The following MAGI2 variants were observed in gnomAD, a reference collection of about 807,000 sequenced individuals.
MAGI2 encodes membrane-associated guanylate kinase, WW and PDZ domain-containing protein 2.
In MAGI2, 35 loss-of-function variants were observed where a neutral mutation model predicts 133.3. That is an observed-to-expected ratio of 0.26 (90% CI 0.20 to 0.35). The LOEUF (loss-of-function observed/expected upper bound fraction) is 0.35, where lower values mean the gene tolerates loss of function less well. MAGI2 is among the 10% of genes least tolerant of loss of function. MAGI2 has a pLI of 1.00. For synonymous variants in MAGI2, 729 were observed against 710.6 expected, an observed-to-expected ratio of 1.03 and a Z score of -0.41; for missense variants, 1,636 against 1,863.4, an observed-to-expected ratio of 0.88 and a Z score of 2.25.
chr7:78,076,836 G>A (rs370885499), intron 21 of MAGI2, among the ~76,000 whole-genome samples: 1 of 105,950 alleles, frequency 9.4e-6, no homozygotes, highest in Non-Finnish European at 1.7e-5. Context: ...CTGGGCGACA[G>A]AGCGAGACTC....
chr7:78,419,600 ATTTTT>A (rs149554875), intron 6 of MAGI2, among the ~76,000 whole-genome samples: 3,926 of 144,462 alleles, frequency 0.027, 98 homozygotes, highest in African/African-American at 0.072. Context: ...TTGAGCAGTG[ATTTTT>A]TTTTTTTTTT....
chr7:78,024,405 G>C (rs1202711802), intron 21 of MAGI2, among the ~76,000 whole-genome samples: 1 of 152,080 alleles, frequency 6.6e-6, no homozygotes, highest in Non-Finnish European at 1.5e-5. Flanking sequence ...CAGTTCATCG[G>C]CTTCTTTAAT....
At chr7:79,070,777 C>T (rs1414854856) in intron 1 of MAGI2, among the ~76,000 whole-genome samples, 2 of 152,024 alleles carry the variant, frequency 1.3e-5, no homozygotes, top group African/African-American at 4.8e-5. Flanking sequence ...AGGTGTGAGC[C>T]ACCGCGCCCA....
intron 1 of MAGI2, among the ~76,000 whole-genome samples, chr7:79,306,261 T>G (rs4020436): frequency 6.8e-6 from 1 of 146,754 alleles, no homozygotes; most frequent in Admixed American, 6.8e-5. Flanking sequence ...TTATTTATAT[T>G]TATATATATT....
At chr7:78,723,879 G>A (rs537976601) in intron 2 of MAGI2, among the ~76,000 whole-genome samples, 2 of 152,106 alleles carry the variant, frequency 1.3e-5, no homozygotes, top group Non-Finnish European at 2.9e-5. Flanking sequence ...AAGGTTGCTG[G>A]GGAGGCAAAA....
Position 79,338,244 on chromosome 7 carries a change from G to C in MAGI2, c.301+114776C>G, listed in dbSNP as rs557472891. ...CATAGAGTTTGGAGAAGCAGGGGAA[G>C]CTTTGCTGTTGCAGGTGCATCTGCC... On this transcript the variant is annotated intron_variant, in intron 1 of 21. Transcript: ENST00000354212. Among the ~76,000 whole-genome samples the C allele has an allele frequency of 7.2e-5, 11 of 152,294 alleles. No individual in the cohort carries two copies. In the South Asian group the frequency reaches 1.9e-3, roughly 26 times the overall value.
chr7:79,207,526 CA>C (rs1200455630), intron 1 of MAGI2, among the ~76,000 whole-genome samples: 1 of 151,178 alleles, frequency 6.6e-6, no homozygotes, highest in African/African-American at 2.4e-5. Flanking sequence ...GATCTCAAAT[CA>C]AAAACTATAA....
At chr7:78,426,383 C>G (rs937271633) in intron 6 of MAGI2, among the ~76,000 whole-genome samples, 4 of 152,104 alleles carry the variant, frequency 2.6e-5, no homozygotes, top group Admixed American at 1.3e-4. Context: ...CGCATATTCT[C>G]ACTCATAGGT....
At chr7:78,757,935 C>T (rs1824120542) in intron 2 of MAGI2, among the ~76,000 whole-genome samples, 1 of 152,166 alleles carries the variant, frequency 6.6e-6, no homozygotes, top group African/African-American at 2.4e-5. Context: ...CACCCAGCTG[C>T]CTACTTGACC....
intron 2 of MAGI2, among the ~76,000 whole-genome samples, chr7:78,884,128 G>A (rs1438468464): frequency 6.6e-6 from 1 of 152,046 alleles, no homozygotes; most frequent in Admixed American, 6.6e-5. Flanking sequence ...CTAATATTCA[G>A]AATCTATAAA....
intron 15 of MAGI2, among the ~76,000 whole-genome samples, chr7:78,163,360 C>T (rs1041332634): frequency 2.6e-5 from 4 of 152,184 alleles, no homozygotes; most frequent in Admixed American, 6.5e-5. Flanking sequence ...AGGATGTTCT[C>T]GATCTCCTGA....
intron 6 of MAGI2, among the ~76,000 whole-genome samples, chr7:78,430,655 T>C (rs1477567962): frequency 2.6e-5 from 4 of 152,186 alleles, no homozygotes; most frequent in Admixed American, 2.0e-4. Flanking sequence ...AGGCTGGAAG[T>C]GGACAAAAGG....
At chr7:79,323,813 C>A (rs1181914307) in intron 1 of MAGI2, among the ~76,000 whole-genome samples, 1 of 152,032 alleles carries the variant, frequency 6.6e-6, no homozygotes, top group Non-Finnish European at 1.5e-5. Context: ...TATATGGGAG[C>A]CTTGTTTTCT....
intron 10 of MAGI2, among the ~76,000 whole-genome samples, chr7:78,217,503 G>C (rs1441071556): frequency 6.6e-6 from 1 of 152,176 alleles, no homozygotes; most frequent in African/African-American, 2.4e-5. Context: ...GTTTGTCATT[G>C]AAATGGCAAT....
At chr7:78,449,387 A>T (rs2151479387) in intron 6 of MAGI2, among the ~76,000 whole-genome samples, 1 of 152,238 alleles carries the variant, frequency 6.6e-6, no homozygotes, top group East Asian at 1.9e-4. Flanking sequence ...TTAAACTTAC[A>T]AAATATAAAC....
At chr7:78,195,395 T>G (rs1383781189) in intron 11 of MAGI2, among the ~76,000 whole-genome samples, 1 of 152,240 alleles carries the variant, frequency 6.6e-6, no homozygotes, top group Non-Finnish European at 1.5e-5. Flanking sequence ...TCAAGACGAT[T>G]CATGTGTAGG....
chr7:79,089,529 CAATAG>C (rs1194823215), intron 1 of MAGI2, among the ~76,000 whole-genome samples: 111 of 151,882 alleles, frequency 7.3e-4, no homozygotes, highest in African/African-American at 2.6e-3. Context: ...GCACTGTTTA[CAATAG>C]CAAAGACTTT....
chr7:78,688,246 C>A lies in MAGI2; in HGVS notation c.419-61007G>T, dbSNP rs78319580. On this transcript the variant is annotated intron_variant, in intron 2 of 21. Transcript: ENST00000354212. ...AATGAGCTATCACCTATTTTTTAGCCTTTCACCAGAAGGTCAAGGTGTCAT... is the reference window on the plus strand; with the variant it reads ...AATGAGCTATCACCTATTTTTTAGCATTTCACCAGAAGGTCAAGGTGTCAT... Among the ~76,000 whole-genome samples, 221 of 152,174 alleles carry A rather than the reference C, an allele frequency of 1.5e-3. 5 individuals carry two copies. The East Asian group carries it at 0.036, about 25-fold the overall frequency.
chr7:78,690,802 A>G (rs1306972431), intron 2 of MAGI2, among the ~76,000 whole-genome samples: 1 of 152,206 alleles, frequency 6.6e-6, no homozygotes, highest in African/African-American at 2.4e-5. Flanking sequence ...AGGTCCCTCA[A>G]AAATATTTCC....
Sources: allele counts gnomAD v4.1 joint callset (sites outside exome capture counted in the v4.1 genomes callset), GRCh38; gene constraint gnomAD v4.1.1; transcripts MANE v1.5; gene names NCBI Gene and HGNC (gene_info 2026-07-23, HGNC 2026-07-21).